DLG2: variants seen among roughly 807,000 people sequenced by gnomAD.
DLG2 encodes the protein disks large homolog 2.
In DLG2, 45 loss-of-function variants were observed where a neutral mutation model predicts 132.5. That is an observed-to-expected ratio of 0.34 (90% CI 0.27 to 0.44). The LOEUF is 0.44. DLG2 is among the 20% of genes least tolerant of loss of function. DLG2 has a pLI of 1.00. For synonymous variants in DLG2, 424 were observed against 419.6 expected (o/e 1.01, Z -0.13); for missense variants, 1,045 against 1,196.9 (o/e 0.87, Z 1.87).
chr11:83,925,862 T>C (rs1033791646), intron 15 of DLG2, among the ~76,000 whole-genome samples: 6 of 152,014 alleles, frequency 3.9e-5, no homozygotes, highest in Non-Finnish European at 7.4e-5. Flanking sequence ...AAACTTACTC[T>C]CCCAAAGTAG....
rs1359463713 is a variant in DLG2, at chr11:84,885,839, CA to C, written c.357+225821del. Among the ~76,000 whole-genome samples, 11 of 135,656 alleles carry C rather than the reference CA, an allele frequency of 8.1e-5. No individual in the cohort carries two copies. The South Asian group carries it at 2.6e-3, about 32-fold the overall frequency. 89.0% of individuals were successfully genotyped at this position (135,656 alleles called of 152,430 possible). ...GTTAGAAGGAATTTCAAATCATTACCAGGGGAAAAGTGTAAAAACTGCAAGA... is the reference window on the plus strand; with the variant it reads ...GTTAGAAGGAATTTCAAATCATTACCGGGGAAAAGTGTAAAAACTGCAAGA... On this transcript the variant is annotated intron_variant, in intron 6 of 27. Coordinates refer to ENST00000376104, the MANE Select transcript of DLG2 (RefSeq NM_001142699.3).
chr11:85,224,604 T>C (rs1283381858), intron 4 of DLG2, among the ~76,000 whole-genome samples: 3 of 152,186 alleles, frequency 2.0e-5, no homozygotes, highest in Non-Finnish European at 4.4e-5. Flanking sequence ...AAAGCTTTCA[T>C]CAAAACTCTT....
At chr11:84,535,315 T>C (rs1591780664) in intron 6 of DLG2, among the ~76,000 whole-genome samples, 2 of 152,202 alleles carry the variant, frequency 1.3e-5, no homozygotes, top group East Asian at 3.8e-4. Context: ...TTGATTTGGG[T>C]TAGTCAGATT....
intron 4 of DLG2, among the ~76,000 whole-genome samples, chr11:85,254,093 G>T (rs1595728587): frequency 1.3e-5 from 2 of 152,224 alleles, no homozygotes; most frequent in East Asian, 3.8e-4. Context: ...GGGCCACAGT[G>T]CCAGGCTTTT....
intron 15 of DLG2, among the ~76,000 whole-genome samples, chr11:83,877,612 G>C (rs1281704957): frequency 6.6e-6 from 1 of 152,138 alleles, no homozygotes; most frequent in South Asian, 2.1e-4. Flanking sequence ...GGTGCACAGA[G>C]AATTTGACTC....
Position 84,736,131 on chromosome 11 carries a change from C to T in DLG2, c.358-201400G>A, listed in dbSNP as rs558295563. On this transcript the variant is annotated intron_variant, in intron 6 of 27. Coordinates refer to ENST00000376104, the MANE Select transcript of DLG2 (RefSeq NM_001142699.3). ...TTTGCACATGTATATTTAATTGTTT[C>T]TGTATTATTTGTTGAAATGACTATC... Among the ~76,000 whole-genome samples the T allele has an allele frequency of 1.4e-4, 22 of 151,864 alleles. No individual in the cohort carries two copies. In the South Asian group the frequency reaches 1.5e-3, roughly 10 times the overall value.
chr11:84,951,938 T>C (rs2154103228), intron 6 of DLG2, among the ~76,000 whole-genome samples: 1 of 152,294 alleles, frequency 6.6e-6, no homozygotes, highest in Admixed American at 6.5e-5. Context: ...GTTTTGAAAA[T>C]GCTTGACTTA....
rs142270624 is a variant in DLG2 at position 83,530,647 on chromosome 11, A to T, written c.2193+2061T>A. ...CAAGCCACAGCTAACATCACACTTCATGGCGAAAGACCGAATGCATTTCTG... is the reference window on the plus strand; with the variant it reads ...CAAGCCACAGCTAACATCACACTTCTTGGCGAAAGACCGAATGCATTTCTG... On this transcript the variant is annotated intron_variant, in intron 21 of 27. Coordinates refer to ENST00000376104, the MANE Select transcript of DLG2 (RefSeq NM_001142699.3). Among the ~76,000 whole-genome samples, 11 of 152,168 alleles carry T rather than the reference A, an allele frequency of 7.2e-5. No individual in the cohort carries two copies. In the East Asian group the frequency reaches 2.1e-3, roughly 29 times the overall value.
chr11:84,459,391 A>G (rs968120480), intron 7 of DLG2, among the ~76,000 whole-genome samples: 1 of 150,774 alleles, frequency 6.6e-6, no homozygotes, highest in South Asian at 2.1e-4. Flanking sequence ...TTCTCTATTT[A>G]TTATCCCAAG....
intron 3 of DLG2, among the ~76,000 whole-genome samples, chr11:85,580,719 A>T (rs1462961526): frequency 6.6e-6 from 1 of 152,252 alleles, no homozygotes; most frequent in Non-Finnish European, 1.5e-5. Context: ...ACACAAACCC[A>T]GGCAATCTGG....
chr11:84,365,210 G>A (rs984148774), intron 7 of DLG2, among the ~76,000 whole-genome samples: 1 of 152,102 alleles, frequency 6.6e-6, no homozygotes, highest in Non-Finnish European at 1.5e-5. Context: ...GGTCTATTCA[G>A]AGATTCAACT....
intron 3 of DLG2, among the ~76,000 whole-genome samples, chr11:85,441,343 T>C (rs2091767135): frequency 6.6e-6 from 1 of 152,142 alleles, no homozygotes; most frequent in South Asian, 2.1e-4. Flanking sequence ...CAACCAGAAG[T>C]TAACTCCTCC....
At chr11:84,883,402 A>C (rs1025446200) in intron 6 of DLG2, among the ~76,000 whole-genome samples, 5 of 152,042 alleles carry the variant, frequency 3.3e-5, no homozygotes, top group African/African-American at 1.2e-4. Flanking sequence ...GGTGCAGTAC[A>C]CCACCATGGC....
chr11:83,669,431 G>A (rs34718216), intron 18 of DLG2, among the ~76,000 whole-genome samples: 6,142 of 152,136 alleles, frequency 0.04, 181 homozygotes, highest in Middle Eastern at 0.092. Flanking sequence ...ATGTATTTCT[G>A]TCTACATGTA....
At position 85,052,239 on chromosome 11, in the gene DLG2, T is replaced by A. The variant is rs1466656826; in HGVS notation, c.357+59422A>T. Among the ~76,000 whole-genome samples the A allele has an allele frequency of 4.6e-5, 7 of 152,288 alleles. No homozygotes were observed. The East Asian group carries it at 1.4e-3, about 29-fold the overall frequency. Reference sequence around the variant, plus strand: ...TCAGACGAGCATGGGAAAGTTTGGATAAATGAACAAACATCATCGTTGGGA... The same window carrying A: ...TCAGACGAGCATGGGAAAGTTTGGAAAAATGAACAAACATCATCGTTGGGA... On this transcript the variant is annotated intron_variant, in intron 6 of 27. Transcript: ENST00000376104.
chr11:84,739,576 G>C (rs2064317673), intron 6 of DLG2, among the ~76,000 whole-genome samples: 1 of 152,118 alleles, frequency 6.6e-6, no homozygotes, highest in Non-Finnish European at 1.5e-5. Context: ...CTGCTAGTGA[G>C]GAAAGCCTAA....
intron 15 of DLG2, among the ~76,000 whole-genome samples, chr11:83,879,172 G>A (rs1456719192): frequency 6.6e-6 from 1 of 152,112 alleles, no homozygotes; most frequent in African/African-American, 2.4e-5. Context: ...GGTAACAAAT[G>A]GCTTTTAAAT....
chr11:83,940,104 G>T (rs1223439358), intron 14 of DLG2, among the ~76,000 whole-genome samples: 2 of 152,216 alleles, frequency 1.3e-5, no homozygotes, highest in Non-Finnish European at 2.9e-5. Flanking sequence ...GATAAGACAT[G>T]CATAAGAACA....
At chr11:84,546,188 A>T (rs1446154394) in intron 6 of DLG2, among the ~76,000 whole-genome samples, 2 of 152,090 alleles carry the variant, frequency 1.3e-5, no homozygotes, top group African/African-American at 4.8e-5. Context: ...ATTGGATCAT[A>T]GGGGTGGTTT....
Sources: gnomAD v4.1 joint callset for allele counts (sites outside exome capture counted in the v4.1 genomes callset) on GRCh38, gnomAD v4.1.1 for gene constraint, MANE v1.5 for transcripts, NCBI Gene and HGNC (gene_info 2026-07-23, HGNC 2026-07-21) for gene names.